Variants in GALNT13 observed in about 807,000 individuals in gnomAD.
GALNT13 encodes UDP-GalNAc:polypeptide N-acetylgalactosaminyltransferase 13.
Under a neutral mutation model 64.2 loss-of-function variants are expected in GALNT13, and 28 were observed. That is an observed-to-expected ratio of 0.44 (90% CI 0.32 to 0.60). The LOEUF (loss-of-function observed/expected upper bound fraction) is 0.60, where lower values mean the gene tolerates loss of function less well. GALNT13 is among the 20% of genes least tolerant of loss of function. The probability of loss-of-function intolerance (pLI) is 0.05; values close to 1 mark genes in which losing one functional copy is unlikely to be tolerated. For synonymous variants in GALNT13, 214 were observed against 224.6 expected (o/e 0.95, Z 0.42); for missense variants, 577 against 669.8 (o/e 0.86, Z 1.53).
chr2:153,723,987 G>A, the GALNT13 span, among the ~76,000 whole-genome samples: 4 of 148,664 alleles, frequency 2.7e-5, no homozygotes, highest in Admixed American at 6.7e-5. Flanking sequence ...AAAAGAGCCC[G>A]CATCGCCAAG....
intron 1 of GALNT13, among the ~76,000 whole-genome samples, chr2:153,879,538 A>ATT (rs35455789): frequency 1.4e-5 from 2 of 146,330 alleles, no homozygotes; most frequent in African/African-American, 2.5e-5. Context: ...CTAATTTTTA[A>ATT]TTTTTTTTTT....
the GALNT13 span, among the ~76,000 whole-genome samples, chr2:153,613,939 C>T: frequency 3.9e-4 from 60 of 151,924 alleles, no homozygotes; most frequent in Non-Finnish European, 6.8e-4. Flanking sequence ...TGCAGCACAC[C>T]AACATGGCAC....
the GALNT13 span, among the ~76,000 whole-genome samples, chr2:153,697,771 G>A: frequency 2.0e-5 from 3 of 152,170 alleles, no homozygotes; most frequent in Non-Finnish European, 4.4e-5. Flanking sequence ...AATGACATGC[G>A]AATGTACTGG....
the GALNT13 span, among the ~76,000 whole-genome samples, chr2:153,411,009 C>T: frequency 6.6e-6 from 1 of 151,834 alleles, no homozygotes; most frequent in Admixed American, 6.6e-5. Flanking sequence ...GGACTGCAGG[C>T]ACTCACCAAC....
the GALNT13 span, among the ~76,000 whole-genome samples, chr2:153,217,489 G>A: frequency 6.6e-5 from 10 of 152,144 alleles, no homozygotes; most frequent in African/African-American, 2.4e-4. Context: ...GTGTCCCAAA[G>A]CTCCTGGATG....
At chr2:153,741,765 A>G in the GALNT13 span, among the ~76,000 whole-genome samples, 1 of 152,118 alleles carries the variant, frequency 6.6e-6, no homozygotes, top group Non-Finnish European at 1.5e-5. Context: ...ATTTTTCTAT[A>G]CAACATCCTA....
the GALNT13 span, among the ~76,000 whole-genome samples, chr2:153,628,826 G>A: frequency 6.6e-6 from 1 of 152,028 alleles, no homozygotes; most frequent in Non-Finnish European, 1.5e-5. Context: ...TTGTGTCTCT[G>A]CCTGGCTTTG....
chr2:153,923,771 A>G (rs867685317), intron 2 of GALNT13, among the ~76,000 whole-genome samples: 2 of 138,434 alleles, frequency 1.4e-5, no homozygotes, highest in Admixed American at 8.6e-5. Context: ...ATTCCTACCT[A>G]TGAGTGAGAA....
At chr2:153,099,129 A>G in the GALNT13 span, among the ~76,000 whole-genome samples, 2 of 152,300 alleles carry the variant, frequency 1.3e-5, no homozygotes, top group African/African-American at 2.4e-5. Context: ...AAACAAACAA[A>G]CAACAAAAAA....
At chr2:153,756,884 T>C in the GALNT13 span, among the ~76,000 whole-genome samples, 1 of 152,232 alleles carries the variant, frequency 6.6e-6, no homozygotes, top group East Asian at 1.9e-4. Context: ...CAGGTGTTTT[T>C]GTTTGTTTGT....
intron 7 of GALNT13, 52 bp downstream of exon 7, chr2:154,246,034 G>T: frequency 2.5e-6 from 3 of 1,216,860 alleles, no homozygotes; most frequent in East Asian, 2.5e-5. Flanking sequence ...AAAAATTAAG[G>T]AATATTATAG....
chr2:153,388,348 A>C, the GALNT13 span, among the ~76,000 whole-genome samples: 6 of 152,084 alleles, frequency 3.9e-5, no homozygotes, highest in Non-Finnish European at 7.4e-5. Context: ...GAAGAAATAA[A>C]GAGAGTAAAC....
At chr2:154,307,863 C>A (rs561863209) in intron 9 of GALNT13, among the ~76,000 whole-genome samples, 43 of 152,254 alleles carry the variant, frequency 2.8e-4, no homozygotes, top group African/African-American at 1.0e-3. Flanking sequence ...GCAACATTTT[C>A]TTTTCCTCTT....
chr2:153,268,486 A>T, the GALNT13 span, among the ~76,000 whole-genome samples: 1 of 152,184 alleles, frequency 6.6e-6, no homozygotes, highest in Non-Finnish European at 1.5e-5. Context: ...TGGGGCTGGC[A>T]TTGAGTGCCT....
chr2:153,927,582 T>G (rs1488034495), intron 2 of GALNT13, among the ~76,000 whole-genome samples: 1 of 152,080 alleles, frequency 6.6e-6, no homozygotes, highest in South Asian at 2.1e-4. Context: ...ACAAGTTTTC[T>G]TTGCTAATAA....
chr2:153,761,630 G>A, the GALNT13 span: 2 of 152,352 alleles, frequency 1.3e-5, no homozygotes, highest in Non-Finnish European at 2.9e-5. Flanking sequence ...AACTAAGAGA[G>A]CTTATCATGA....
the GALNT13 span, among the ~76,000 whole-genome samples, chr2:153,776,623 A>G: frequency 2.2e-4 from 34 of 152,260 alleles, no homozygotes; most frequent in Admixed American, 1.0e-3. Context: ...ATCTACCCCA[A>G]AGATTTTTGA....
chr2:153,611,679 C>CTTTTTT, the GALNT13 span, among the ~76,000 whole-genome samples: 76 of 104,384 alleles, frequency 7.3e-4, 1 homozygote, highest in African/African-American at 2.5e-3. Context: ...ACATTTTTAC[C>CTTTTTT]TTTTTTTTTT....
chr2:153,725,968 A>T, the GALNT13 span, among the ~76,000 whole-genome samples: 1 of 152,208 alleles, frequency 6.6e-6, no homozygotes, highest in African/African-American at 2.4e-5. Context: ...GTTACTAGGA[A>T]ATCCATAGAG....
Sources: gnomAD v4.1 joint callset for allele counts (sites outside exome capture counted in the v4.1 genomes callset) on GRCh38, gnomAD v4.1.1 for gene constraint, MANE v1.5 for transcripts, NCBI Gene and HGNC (gene_info 2026-07-23, HGNC 2026-07-21) for gene names.